Variants in GK5 observed in about 807,000 individuals in gnomAD.
The protein encoded by GK5 is glycerol kinase 5.
In GK5, 39 loss-of-function variants were observed where a neutral mutation model predicts 77.3. That is an observed-to-expected ratio of 0.50 (90% CI 0.39 to 0.66). GK5 has a LOEUF of 0.66. Ranked by LOEUF, GK5 falls within the 30% of genes least tolerant of loss-of-function variation. The pLI is 0.00. For missense variants in GK5, 487 were observed against 633.8 expected, an observed-to-expected ratio of 0.77 and a Z score of 2.49; for synonymous variants, 211 against 208.0, an observed-to-expected ratio of 1.01 and a Z score of -0.13.
At chr3:142,223,187 T>A (rs1340342259) in intron 1 of GK5, among the ~76,000 whole-genome samples, 2 of 152,242 alleles carry the variant, frequency 1.3e-5, no homozygotes, top group African/African-American at 4.8e-5. Flanking sequence ...AAACTAATGA[T>A]CTGCCCCAAA....
At chr3:142,170,286 TTGCAA>T in intron 15 of GK5, 34 bp downstream of exon 15, 1 of 1,606,198 alleles carries the variant, frequency 6.2e-7, no homozygotes, top group African/African-American at 1.3e-5. Flanking sequence ...AAGGAAGAGT[TTGCAA>T]GAAAACTCTC....
intron 14 of GK5, among the ~76,000 whole-genome samples, chr3:142,171,092 G>T (rs1319723907): frequency 6.6e-6 from 1 of 152,064 alleles, no homozygotes; most frequent in African/African-American, 2.4e-5. Context: ...TTAGCTGGGC[G>T]TGGTGGTGCA....
At chr3:142,177,604 C>A (rs745935480) in intron 11 of GK5, 28 bp from the exon 12 acceptor site, 8 of 1,402,792 alleles carry the variant, frequency 5.7e-6, no homozygotes, top group Middle Eastern at 1.8e-4. Flanking sequence ...CAACAAAAAA[C>A]CCTAAAACAA....
intron 4 of GK5, among the ~76,000 whole-genome samples, chr3:142,201,490 T>C (rs542725050): frequency 6.6e-6 from 1 of 152,028 alleles, no homozygotes; most frequent in African/African-American, 2.4e-5. Context: ...TGAGAGAGGG[T>C]AGGGAGGTGT....
intron 3 of GK5, among the ~76,000 whole-genome samples, chr3:142,213,119 C>A (rs938994949): frequency 2.0e-5 from 3 of 152,074 alleles, no homozygotes; most frequent in African/African-American, 7.2e-5. Context: ...CAGGCGTGAG[C>A]CACCGCTCCT....
chr3:142,171,393 G>C, intron 14 of GK5, 26 bp downstream of exon 14: 1 of 1,454,520 alleles, frequency 6.9e-7, no homozygotes, highest in Non-Finnish European at 9.2e-7. Context: ...TTCTAATTAA[G>C]TCTATTAGAA....
chr3:142,166,396 T>G (rs915711131), intron 15 of GK5, among the ~76,000 whole-genome samples: 2 of 152,214 alleles, frequency 1.3e-5, no homozygotes, highest in Non-Finnish European at 2.9e-5. Context: ...AATTCAAAGT[T>G]GGAGATTAAT....
chr3:142,190,576 G>T (rs1389453349), intron 5 of GK5, among the ~76,000 whole-genome samples: 12 of 152,148 alleles, frequency 7.9e-5, no homozygotes, highest in Non-Finnish European at 1.8e-4. Flanking sequence ...ACCCCAAGTA[G>T]CTTGCATAAA....
intron 13 of GK5, 31 bp downstream of exon 13, chr3:142,172,322 G>T (rs1183395640): frequency 2.0e-6 from 2 of 1,017,716 alleles, no homozygotes; most frequent in Non-Finnish European, 3.0e-6. Context: ...TATTCTATGG[G>T]GAAGGGGAAG....
At chr3:142,169,767 G>C (rs1218569907) in intron 15 of GK5, among the ~76,000 whole-genome samples, 1 of 149,054 alleles carries the variant, frequency 6.7e-6, no homozygotes, top group Non-Finnish European at 1.5e-5. Context: ...CGCCTTCCCA[G>C]GTTCAAGCAA....
rs567462296 is a variant in GK5, at chr3:142,209,685, A to G, written c.317+3841T>C. On this transcript the variant is annotated intron_variant, in intron 3 of 15. Coordinates refer to ENST00000392993, the MANE Select transcript of GK5 (RefSeq NM_001039547.3). ...TGTAAGTATCAAATACTACAATAAA[A>G]ATCTATTTTGTGCAATGGGAATATA... is the stretch of plus-strand genomic sequence containing the variant. Among the ~76,000 whole-genome samples, 4 of 152,318 alleles carry G rather than the reference A, an allele frequency of 2.6e-5. No homozygotes were observed. The East Asian group carries it at 7.7e-4, about 29-fold the overall frequency.
chr3:142,215,205 C>A (rs1222601996), intron 2 of GK5, among the ~76,000 whole-genome samples: 2 of 152,026 alleles, frequency 1.3e-5, no homozygotes, highest in Non-Finnish European at 2.9e-5. Context: ...CAGAAAAAAA[C>A]AAATAAAAAC....
At chr3:142,223,495 G>A (rs1313758764) in intron 1 of GK5, among the ~76,000 whole-genome samples, 2 of 152,208 alleles carry the variant, frequency 1.3e-5, no homozygotes, top group East Asian at 3.9e-4. Flanking sequence ...GCTAGCCAGA[G>A]AAGGGACCAG....
At chr3:142,211,755 C>T (rs1332800537) in intron 3 of GK5, among the ~76,000 whole-genome samples, 1 of 152,190 alleles carries the variant, frequency 6.6e-6, no homozygotes, top group Non-Finnish European at 1.5e-5. Context: ...GATCGTGCCA[C>T]TGCACTCCAG....
At chr3:142,175,293 A>ATGGC (rs2063593275) in intron 12 of GK5, among the ~76,000 whole-genome samples, 1 of 152,146 alleles carries the variant, frequency 6.6e-6, no homozygotes, top group South Asian at 2.1e-4. Flanking sequence ...CCCCCAGTGT[A>ATGGC]TGGCTCCCAC....
At chr3:142,168,511 T>C (rs148354553) in intron 15 of GK5, among the ~76,000 whole-genome samples, 1 of 152,332 alleles carries the variant, frequency 6.6e-6, no homozygotes, top group Non-Finnish European at 1.5e-5. Context: ...AATGTACTAT[T>C]AGCCTAAAAC....
intron 2 of GK5, among the ~76,000 whole-genome samples, chr3:142,215,348 G>C (rs879800099): frequency 9.2e-5 from 14 of 152,240 alleles, no homozygotes; most frequent in Non-Finnish European, 1.6e-4. Flanking sequence ...AACCTGGAAT[G>C]AGGAAATGGC....
At chr3:142,208,530 C>A (rs183581792) in intron 3 of GK5, among the ~76,000 whole-genome samples, 230 of 152,338 alleles carry the variant, frequency 1.5e-3, no homozygotes, top group Admixed American at 2.9e-3. Flanking sequence ...TTTCCCAGCA[C>A]CATCTGTTGA....
At chr3:142,218,249 C>G (rs1288958400) in intron 1 of GK5, among the ~76,000 whole-genome samples, 1 of 146,354 alleles carries the variant, frequency 6.8e-6, no homozygotes, top group Non-Finnish European at 1.5e-5. Flanking sequence ...AAAAAAAAAT[C>G]AGGCCAGTCA....
Sources: allele counts gnomAD v4.1 joint callset (sites outside exome capture counted in the v4.1 genomes callset), GRCh38; gene constraint gnomAD v4.1.1; transcripts MANE v1.5; gene names NCBI Gene and HGNC (gene_info 2026-07-23, HGNC 2026-07-21).